Variants in GOLGA6L9 observed in about 807,000 individuals in gnomAD.
The protein encoded by GOLGA6L9 is golgin subfamily A member 6-like protein 9.
GOLGA6L9 carries 19 observed loss-of-function variants against 51.3 expected under a neutral mutation model. That is an observed-to-expected ratio of 0.37 (90% confidence interval 0.26 to 0.54). The LOEUF is 0.54. Ranked by LOEUF, GOLGA6L9 falls within the 20% of genes least tolerant of loss-of-function variation. The probability of loss-of-function intolerance (pLI) is 0.83; values close to 1 mark genes in which losing one functional copy is unlikely to be tolerated. For synonymous variants in GOLGA6L9, 97 were observed against 184.2 expected (o/e 0.53, Z 3.83); for missense variants, 247 against 464.1 (o/e 0.53, Z 4.30).
At chr15:82,433,526 C>A (rs1290298793) in intron 4 of GOLGA6L9, 36 bp from the exon 5 acceptor site, 3 of 944,362 alleles carry the variant, frequency 3.2e-6, no homozygotes, top group Non-Finnish European at 4.5e-6. Context: ...ACCAGCCCCT[C>A]CCTCCAGTAC....
chr15:82,429,633 A>G (rs1214878415), upstream of GOLGA6L9, among the ~76,000 whole-genome samples: 13 of 152,336 alleles, frequency 8.5e-5, no homozygotes, highest in African/African-American at 3.1e-4. Flanking sequence ...GATGAAAAAT[A>G]TAGGCCAAAA....
chr15:82,437,891 A>G lies in GOLGA6L9; in HGVS notation c.*1480A>G, dbSNP rs1240091462. On this transcript the variant is annotated 3_prime_UTR_variant, in exon 9 of 9. Transcript: ENST00000618348. ...GTTATATTTCCTCACAAAGTTCTTT[A>G]CAAAGAGTGAAATATGTTTTTATAC... 3 of 151,350 alleles carry G rather than the reference A, an allele frequency of 2.0e-5. No homozygotes were observed. The highest frequency in any genetic ancestry group is 6.6e-5 in the Admixed American group (1 of 15,188). 9.4% of individuals were successfully genotyped at this position (151,350 alleles called of 1,614,324 possible).
chr15:82,427,318 TC>T (rs2031227944), upstream of GOLGA6L9, among the ~76,000 whole-genome samples: 1 of 147,418 alleles, frequency 6.8e-6, no homozygotes, highest in Non-Finnish European at 1.5e-5. Context: ...TCTCTTTCTT[TC>T]CTCTTTCTTT....
upstream of GOLGA6L9, among the ~76,000 whole-genome samples, chr15:82,427,342 TTTTC>T (rs2031230005): frequency 2.4e-5 from 2 of 83,958 alleles, no homozygotes; most frequent in South Asian, 3.7e-4. Context: ...CTTTCTCTCT[TTTTC>T]TTTCTTCTTT....
chr15:82,434,260 G>T lies in GOLGA6L9; in HGVS notation c.660G>T (p.Glu220Asp), dbSNP rs2031558229. The T allele has an allele frequency of 2.6e-6, 4 of 1,549,162 alleles. No homozygotes were observed. The highest frequency in any genetic ancestry group is 1.4e-5 in the African/African-American group (1 of 73,408). Residue 220 changes from glutamate to aspartate, a missense_variant, in exon 6 of 9, where the codon GAG becomes GAT. Glu to Asp is a conservative substitution (Grantham distance 45). Coordinates refer to ENST00000618348, the MANE Select transcript of GOLGA6L9 (RefSeq NM_198181.4). ...EQEERLCEQEERLCEQEERLR... is the reference protein window; with the variant it reads ...EQEERLCEQEDRLCEQEERLR... Reference sequence around the variant, plus strand: ...AGGAGAGGCTGTGTGAACAGGAGGAGAGGCTGTGTGAACAGGAGGAGAGGC... The same window carrying T: ...AGGAGAGGCTGTGTGAACAGGAGGATAGGCTGTGTGAACAGGAGGAGAGGC...
chr15:82,432,550 T>C, intron 2 of GOLGA6L9, 22 bp from the exon 3 acceptor site: 3 of 1,600,810 alleles, frequency 1.9e-6, no homozygotes, highest in Admixed American at 1.7e-5. Context: ...AACATCTCCA[T>C]GTGCACTCTC....
In GOLGA6L9 at chr15:82,439,153, A is replaced by C. The variant is rs1283914035; in HGVS notation, c.*2742A>C. ...TTTCAAGGTGCTGTTTTGCCTAAAA[A>C]TTTTGTGTGTCTTGAAAACTATAGT... On this transcript the variant is annotated 3_prime_UTR_variant, in exon 9 of 9. Coordinates refer to ENST00000618348, the MANE Select transcript of GOLGA6L9 (RefSeq NM_198181.4). 2 of 150,758 alleles carry C rather than the reference A, an allele frequency of 1.3e-5. No individual in the cohort carries two copies. Among genetic ancestry groups the C allele is most frequent in the East Asian group, 3.8e-4 (2 of 5,196 alleles). The allele number at this position is 150,758 out of a possible 1,614,324, so 9.3% of individuals were successfully genotyped here.
chr15:82,429,354 G>C (rs1260062043), upstream of GOLGA6L9, among the ~76,000 whole-genome samples: 5 of 152,184 alleles, frequency 3.3e-5, no homozygotes, highest in South Asian at 2.1e-4. Flanking sequence ...GCATTACAGG[G>C]GTGAGCCACC....
chr15:82,419,843 A>G, the GOLGA6L9 span: 2 of 166,656 alleles, frequency 1.2e-5, no homozygotes, highest in East Asian at 1.5e-4. Flanking sequence ...AAACGTTCCA[A>G]TTTTACCTTT....
rs1262684105 is a variant in GOLGA6L9 at position 82,436,490 on chromosome 15, A to C, written c.*79A>C. The stretch of plus-strand genomic sequence containing the variant: ...CTACACAATTCATTTACTTCATTTG[A>C]ATGTTAGAGCCACTTATGTTTGTGT... On this transcript the variant is annotated 3_prime_UTR_variant, in exon 9 of 9. Coordinates refer to ENST00000618348, the MANE Select transcript of GOLGA6L9 (RefSeq NM_198181.4). 1 of 1,532,166 alleles carries C rather than the reference A, an allele frequency of 6.5e-7. No homozygotes were observed. The highest frequency in any genetic ancestry group is 8.8e-7 in the Non-Finnish European group (1 of 1,136,682). 94.9% of individuals were successfully genotyped at this position (1,532,166 alleles called of 1,614,324 possible).
chr15:82,416,797 A>G, the GOLGA6L9 span, among the ~76,000 whole-genome samples: 3 of 152,228 alleles, frequency 2.0e-5, no homozygotes, highest in East Asian at 1.9e-4. Flanking sequence ...TCTTTGAGCT[A>G]TGATTCTATC....
chr15:82,433,390 C>G lies in GOLGA6L9; in HGVS notation c.346-172C>G, dbSNP rs1426780168. Among the ~76,000 whole-genome samples, 9 of 152,174 alleles carry G rather than the reference C, an allele frequency of 5.9e-5. No homozygotes were observed. In the East Asian group the frequency reaches 1.2e-3, roughly 20 times the overall value. On this transcript the variant is annotated intron_variant, in intron 4 of 8. Coordinates refer to ENST00000618348, the MANE Select transcript of GOLGA6L9 (RefSeq NM_198181.4). The stretch of plus-strand genomic sequence containing the variant: ...GTCTGTCCTTTGCTGTTTTATATCT[C>G]TGCTATGAAGAACTGTACCTGGCCT...
chr15:82,438,201 C>T lies in GOLGA6L9; in HGVS notation c.*1790C>T, dbSNP rs2031780303. On this transcript the variant is annotated 3_prime_UTR_variant, in exon 9 of 9. Coordinates refer to ENST00000618348, the MANE Select transcript of GOLGA6L9 (RefSeq NM_198181.4). ...ATAGTTCAAATCGCTTCACTTTTAC[C>T]CTGACACGTATAAATGACTAGGAAT... 1 of 147,508 alleles carries T rather than the reference C, an allele frequency of 6.8e-6. No homozygotes were observed. Among genetic ancestry groups the T allele is most frequent in the African/African-American group, 2.5e-5 (1 of 39,666 alleles). 9.1% of individuals were successfully genotyped at this position (147,508 alleles called of 1,614,324 possible). A position where few individuals can be genotyped will look rare whatever the true frequency, so the allele number is the denominator to read the frequency against.
intron 1 of GOLGA6L9, 64 bp downstream of exon 1, chr15:82,430,227 G>A (rs1399510996): frequency 1.2e-5 from 6 of 497,562 alleles, no homozygotes; most frequent in African/African-American, 5.8e-5. Context: ...CAAGACCGGT[G>A]CCAGAGTCCA....
the GOLGA6L9 span, among the ~76,000 whole-genome samples, chr15:82,416,227 A>G: frequency 5.1e-4 from 77 of 152,304 alleles, 1 homozygote; most frequent in African/African-American, 1.7e-3. Context: ...AATTTGAGCT[A>G]TAACACAAGG....
chr15:82,435,272 A>G (rs2031624379), intron 7 of GOLGA6L9: 1 of 225,084 alleles, frequency 4.4e-6, no homozygotes, highest in African/African-American at 3.2e-5. Flanking sequence ...GAGGCAGGAC[A>G]ATCACTTGAG....
chr15:82,417,542 T>G, the GOLGA6L9 span, among the ~76,000 whole-genome samples: 17 of 152,352 alleles, frequency 1.1e-4, no homozygotes, highest in African/African-American at 3.6e-4. Flanking sequence ...GCATAGGTAT[T>G]ATGCAGTTGT....
chr15:82,433,379 G>A (rs1370033545), intron 4 of GOLGA6L9, among the ~76,000 whole-genome samples, 183 bp from the exon 5 acceptor site: 1 of 152,016 alleles, frequency 6.6e-6, no homozygotes, highest in Admixed American at 6.5e-5. Flanking sequence ...GTCCTTTGCT[G>A]TTTTATATCT....
In GOLGA6L9 at chr15:82,436,484, C is replaced by A; in HGVS notation, c.*73C>A. 1.3e-6 allele frequency: 2 copies of A among 1,534,810 alleles called. No individual in the cohort carries two copies. Among genetic ancestry groups the A allele is most frequent in the Non-Finnish European group, 1.8e-6 (2 of 1,138,578 alleles). ...AATATCCTACACAATTCATTTACTT[C>A]ATTTGAATGTTAGAGCCACTTATGT... On this transcript the variant is annotated 3_prime_UTR_variant, in exon 9 of 9. Transcript: ENST00000618348.
Sources: gnomAD v4.1 joint callset for allele counts (sites outside exome capture counted in the v4.1 genomes callset) on GRCh38, gnomAD v4.1.1 for gene constraint, MANE v1.5 for transcripts, NCBI Gene and HGNC (gene_info 2026-07-23, HGNC 2026-07-21) for gene names.